Variants in HRH1 observed in about 807,000 individuals in gnomAD.
HRH1 encodes histamine H1 receptor.
Under a neutral mutation model 10.3 loss-of-function variants are expected in HRH1, and 6 were observed. The observed-to-expected ratio is 0.58, with a 90% CI of 0.32 to 1.15. HRH1 has a LOEUF of 1.15. Among genes scored for constraint, HRH1 ranks in the 50% most tolerant of loss-of-function variants. The probability of loss-of-function intolerance (pLI) is 0.05; values close to 1 mark genes in which losing one functional copy is unlikely to be tolerated. For missense variants in HRH1, 514 were observed against 615.3 expected (o/e 0.84, Z 1.74); for synonymous variants, 242 against 236.7 (o/e 1.02, Z -0.21).
At chr3:11,180,414 C>T (rs1050508607) in intron 1 of HRH1, among the ~76,000 whole-genome samples, 2 of 152,164 alleles carry the variant, frequency 1.3e-5, no homozygotes, top group African/African-American at 4.8e-5. Context: ...CAACCTAGAT[C>T]CCTCACAATG....
Position 11,259,742 on chromosome 3 carries a change from A to G in HRH1, c.705A>G (p.Ser235=), listed in dbSNP as rs1245891442. 1 of 1,614,062 alleles carries G rather than the reference A, an allele frequency of 6.2e-7. No homozygotes were observed. Among genetic ancestry groups the G allele is most frequent in the Middle Eastern group, 1.6e-4 (1 of 6,062 alleles). ...TCAATAGGTCCCTCCCTTCCTTCTC[A>G]GAAATTAAGCTGAGGCCAGAGAACC... ...ELINRSLPSF[S]EIKLRPENPK... Residue 235 remains serine (S), a synonymous_variant, in exon 2 of 2, where the codon TCA becomes TCG. Transcript: ENST00000431010. This position sits in a 1 kb window ranked among gnomAD's most constrained non-coding sequence, Gnocchi z 4.6.
At chr3:11,201,640 A>G (rs1285345053) in intron 1 of HRH1, among the ~76,000 whole-genome samples, 1 of 152,198 alleles carries the variant, frequency 6.6e-6, no homozygotes, top group Non-Finnish European at 1.5e-5. Flanking sequence ...AAAAAACAGC[A>G]TATCCTTAGA....
At chr3:11,184,355 C>T (rs1481344602) in intron 1 of HRH1, among the ~76,000 whole-genome samples, 4 of 152,100 alleles carry the variant, frequency 2.6e-5, no homozygotes, top group Non-Finnish European at 5.9e-5. Context: ...TGCCTAAAAT[C>T]GCACCACTCA....
At chr3:11,248,186 T>TATAA (rs1337386993) in intron 1 of HRH1, among the ~76,000 whole-genome samples, 3 of 152,232 alleles carry the variant, frequency 2.0e-5, no homozygotes, top group Non-Finnish European at 2.9e-5. Flanking sequence ...TATTCTGTTT[T>TATAA]TCCCAGGCTA....
chr3:11,223,355 C>T (rs1257108524), intron 1 of HRH1, among the ~76,000 whole-genome samples: 7 of 150,674 alleles, frequency 4.6e-5, no homozygotes, highest in African/African-American at 1.2e-4. Flanking sequence ...AAAAATCAGC[C>T]GGGGGTGGTG....
chr3:11,153,936 T>C (rs1936711583), upstream of HRH1, among the ~76,000 whole-genome samples: 1 of 152,206 alleles, frequency 6.6e-6, no homozygotes, highest in Non-Finnish European at 1.5e-5. Flanking sequence ...GTAGGGTTCC[T>C]ACTGTCAATC....
At chr3:11,224,114 A>G (rs904939075) in intron 1 of HRH1, among the ~76,000 whole-genome samples, 1 of 152,158 alleles carries the variant, frequency 6.6e-6, no homozygotes, top group Non-Finnish European at 1.5e-5. Flanking sequence ...TTGTGCCTCA[A>G]CCATCTCATT....
chr3:11,140,350 C>T lies in HRH1; in HGVS notation c.-36+2951C>T, dbSNP rs568791345. ...ATAAGCGCCTTCCTCCCTCCTTAGG[C>T]GTGGCAGTTGACTTTGGCCCCAATA... On this transcript the variant is annotated intron_variant, in intron 1 of 1. Coordinates refer to the HRH1 transcript ENST00000438284. Among the ~76,000 whole-genome samples the T allele has an allele frequency of 7.9e-5, 12 of 152,246 alleles. No homozygotes were observed. The South Asian group carries it at 8.3e-4, about 11-fold the overall frequency.
At chr3:11,158,704 A>T (rs1017942369) in intron 1 of HRH1, among the ~76,000 whole-genome samples, 1 of 152,138 alleles carries the variant, frequency 6.6e-6, no homozygotes, top group South Asian at 2.1e-4. Flanking sequence ...TACATTTTTG[A>T]TAGAAAAATT....
intron 1 of HRH1, among the ~76,000 whole-genome samples, chr3:11,144,555 G>A (rs1309551215): frequency 4.3e-5 from 5 of 117,426 alleles, no homozygotes; most frequent in Non-Finnish European, 6.8e-5. Flanking sequence ...GAATAAAATC[G>A]TGTCTTTTGC....
intron 1 of HRH1, among the ~76,000 whole-genome samples, chr3:11,212,294 A>G (rs1270489471): frequency 6.6e-6 from 1 of 152,198 alleles, no homozygotes; most frequent in African/African-American, 2.4e-5. Flanking sequence ...ATATATGTAT[A>G]TATATTTTGG....
intron 1 of HRH1, among the ~76,000 whole-genome samples, chr3:11,191,018 C>T (rs908049010): frequency 1.3e-5 from 2 of 152,162 alleles, no homozygotes; most frequent in African/African-American, 4.8e-5. Flanking sequence ...GTTCACAGTG[C>T]GCCCCCTTTC....
At chr3:11,243,762 A>G (rs1939408601) in intron 1 of HRH1, among the ~76,000 whole-genome samples, 1 of 151,872 alleles carries the variant, frequency 6.6e-6, no homozygotes, top group South Asian at 2.1e-4. Flanking sequence ...CTTGCATATC[A>G]CTTCTTCTCT....
intron 1 of HRH1, among the ~76,000 whole-genome samples, chr3:11,244,001 A>G (rs1265039088): frequency 6.6e-6 from 1 of 152,224 alleles, no homozygotes; most frequent in Non-Finnish European, 1.5e-5. Flanking sequence ...AGTTGGCTGT[A>G]TGTGATAGAA....
At chr3:11,230,795 T>G (rs1169940195) in intron 1 of HRH1, among the ~76,000 whole-genome samples, 1 of 144,678 alleles carries the variant, frequency 6.9e-6, no homozygotes, top group East Asian at 1.9e-4. Context: ...TCAATATGAG[T>G]TTTTTTTTAC....
intron 1 of HRH1, among the ~76,000 whole-genome samples, chr3:11,218,072 C>A (rs996788636): frequency 2.6e-5 from 4 of 152,126 alleles, no homozygotes; most frequent in Non-Finnish European, 5.9e-5. Flanking sequence ...GAGGAACTCA[C>A]AAATTTAAAA....
chr3:11,259,478 C>T lies in HRH1; in HGVS notation c.441C>T (p.Thr147=). 1 of 1,614,050 alleles carries T rather than the reference C, an allele frequency of 6.2e-7. No individual in the cohort carries two copies. Among genetic ancestry groups the T allele is most frequent in the Non-Finnish European group, 8.5e-7 (1 of 1,180,012 alleles). The part of the protein sequence containing the change: ...KYRTKTRASA[T]ILGAWFLSFL... Reference sequence around the variant, plus strand: ...GTACCAAGACCCGAGCCTCGGCCACCATTCTGGGGGCCTGGTTTCTCTCTT... The same window carrying T: ...GTACCAAGACCCGAGCCTCGGCCACTATTCTGGGGGCCTGGTTTCTCTCTT... Residue 147 remains threonine, a synonymous_variant, in exon 2 of 2, where the codon ACC becomes ACT. Coordinates refer to ENST00000431010, the MANE Select transcript of HRH1 (RefSeq NM_001098212.2). This position sits in a 1 kb window ranked among gnomAD's most constrained non-coding sequence, Gnocchi z 4.6.
In HRH1 at chr3:11,216,292, A is replaced by T. The variant is rs1007907020; in HGVS notation, c.-35-42711A>T. Among the ~76,000 whole-genome samples, 3 of 152,222 alleles carry T rather than the reference A, an allele frequency of 2.0e-5. No homozygotes were observed. The East Asian group carries it at 5.8e-4, about 29-fold the overall frequency. On this transcript the variant is annotated intron_variant, in intron 1 of 1. Transcript: ENST00000431010. ...TCAGTATATACCCGAAAGAATTGAA[A>T]GCAGGGTCTTGAAGAGACGTCTATA...
chr3:11,172,791 TC>T (rs1459488337), intron 1 of HRH1, among the ~76,000 whole-genome samples: 5 of 146,036 alleles, frequency 3.4e-5, no homozygotes, highest in African/African-American at 1.3e-4. Flanking sequence ...AAGCTCCGCC[TC>T]CCAGGTTCAC....
Sources: gnomAD v4.1 joint callset for allele counts (sites outside exome capture counted in the v4.1 genomes callset) on GRCh38, gnomAD v4.1.1 for gene constraint, Gnocchi (gnomAD v3.1) non-coding constraint, MANE v1.5 for transcripts, NCBI Gene and HGNC (gene_info 2026-07-23, HGNC 2026-07-21) for gene names.